The following TRIM37 variants were observed in gnomAD, a reference collection of about 807,000 sequenced individuals.
TRIM37 encodes E3 ubiquitin-protein ligase TRIM37.
In TRIM37, 80 loss-of-function variants were observed where a neutral mutation model predicts 129.8. That is an observed-to-expected ratio of 0.62 (90% CI 0.51 to 0.74). The LOEUF (loss-of-function observed/expected upper bound fraction) is 0.74, where lower values mean the gene tolerates loss of function less well. Ranked by LOEUF, TRIM37 falls within the 30% of genes least tolerant of loss-of-function variation. The pLI, the probability that TRIM37 is intolerant of heterozygous loss-of-function variation, is 0.00. For synonymous variants in TRIM37, 389 were observed against 387.1 expected (o/e 1.00, Z -0.06); for missense variants, 1,054 against 1,176.5 (o/e 0.90, Z 1.52).
At chr17:59,086,158 A>G (rs1478956915) in intron 4 of TRIM37, among the ~76,000 whole-genome samples, 1 of 152,126 alleles carries the variant, frequency 6.6e-6, no homozygotes, top group Non-Finnish European at 1.5e-5. Context: ...AATGATTAAG[A>G]TGGTAAATTT....
intron 21 of TRIM37, among the ~76,000 whole-genome samples, chr17:59,012,875 CAA>C (rs71367654): frequency 7.7e-6 from 1 of 129,678 alleles, no homozygotes. Context: ...GACTCTGTCT[CAA>C]AAAAAAAAAA....
chr17:59,041,717 A>T, intron 17 of TRIM37, 96 bp downstream of exon 17: 1 of 893,576 alleles, frequency 1.1e-6, no homozygotes, highest in Non-Finnish European at 1.9e-6. Flanking sequence ...TGAACCATGT[A>T]CAAGCAGTGG....
chr17:59,106,580 G>A lies in TRIM37; in HGVS notation c.-119C>T, dbSNP rs890841628. 2 of 1,270,080 alleles carry A rather than the reference G, an allele frequency of 1.6e-6. No individual in the cohort carries two copies. Among genetic ancestry groups the A allele is most frequent in the Non-Finnish European group, 2.2e-6 (2 of 892,780 alleles). The allele number at this position is 1,270,080 out of a possible 1,614,324, so 78.7% of individuals were successfully genotyped here. On this transcript the variant is annotated 5_prime_UTR_variant, in exon 1 of 24. Coordinates refer to ENST00000262294, the MANE Select transcript of TRIM37 (RefSeq NM_015294.6). ...ATAAAAGCCCGGCGCCCACGTCAGG[G>A]GGCTCTGACAACCGCCCCACCTGCG...
chr17:59,102,445 G>A, intron 2 of TRIM37, among the ~76,000 whole-genome samples: 1 of 152,146 alleles, frequency 6.6e-6, no homozygotes, highest in Non-Finnish European at 1.5e-5. Flanking sequence ...TCTAGCATCA[G>A]TTTCACTGTT....
chr17:59,096,646 A>C (rs897256081), intron 2 of TRIM37, among the ~76,000 whole-genome samples: 1 of 151,980 alleles, frequency 6.6e-6, no homozygotes, highest in African/African-American at 2.4e-5. Context: ...ATCTTAGATC[A>C]TGGGCTCATG....
chr17:59,016,674 T>C (rs2035987857), intron 20 of TRIM37, among the ~76,000 whole-genome samples: 1 of 143,814 alleles, frequency 7.0e-6, no homozygotes, highest in African/African-American at 2.6e-5. Context: ...TCCCAGCTAC[T>C]TGGGAGGCTG....
rs200079877 is a variant in TRIM37 at position 59,022,828 on chromosome 17, GAAATGGTATATTAAACC to G, written c.2258-5421_2258-5405del. Among the ~76,000 whole-genome samples the G allele has an allele frequency of 5.7e-3, 870 of 152,170 alleles. 30 individuals are homozygous for G. The highest frequency in any genetic ancestry group is 0.048 in the Admixed American group (728 of 15,270). ...TATTCGGCCTCACCTGCTATTCAAG[GAAATGGTATATTAAACC>G]AAATGGTATATTAAAACCAAAAGTA... is the stretch of plus-strand genomic sequence containing the variant. On this transcript the variant is annotated intron_variant, in intron 19 of 23. Transcript: ENST00000262294.
intron 19 of TRIM37, among the ~76,000 whole-genome samples, chr17:59,024,143 G>A (rs1167700213): frequency 6.6e-6 from 1 of 150,720 alleles, no homozygotes; most frequent in Non-Finnish European, 1.5e-5. Context: ...GAACCCAGGA[G>A]GGGGAGGTTG....
chr17:58,997,635 T>C (rs117113145), downstream of TRIM37, among the ~76,000 whole-genome samples: 11 of 152,226 alleles, frequency 7.2e-5, no homozygotes, highest in Non-Finnish European at 1.0e-4. Flanking sequence ...CAGGAGAGAT[T>C]TTCCAGGAAT....
At chr17:59,090,408 T>A (rs973756544) in intron 3 of TRIM37, among the ~76,000 whole-genome samples, 3 of 152,228 alleles carry the variant, frequency 2.0e-5, no homozygotes, top group South Asian at 2.1e-4. Context: ...TATATAAATA[T>A]AGGCACAATC....
At chr17:59,062,434 A>T (rs2041573689) in intron 11 of TRIM37, 133 bp downstream of exon 11, 15 of 726,258 alleles carry the variant, frequency 2.1e-5, no homozygotes, top group Middle Eastern at 3.7e-4. Flanking sequence ...GAAGAAGGGG[A>T]ACAGGGAATG....
At chr17:59,040,040 G>C (rs2038980006) in intron 17 of TRIM37, among the ~76,000 whole-genome samples, 1 of 151,974 alleles carries the variant, frequency 6.6e-6, no homozygotes, top group Non-Finnish European at 1.5e-5. Flanking sequence ...TGGGACCACA[G>C]GCAGCAATTT....
chr17:58,999,349 T>C lies in TRIM37; in HGVS notation c.*28A>G. ...CAGCAAAATTCAGGGTCAAGGTAGC[T>C]TGCAAGTCAGTTCTCTTGATTTGGC... On this transcript the variant is annotated 3_prime_UTR_variant, in exon 24 of 24. Coordinates refer to ENST00000262294, the MANE Select transcript of TRIM37 (RefSeq NM_015294.6). The C allele has an allele frequency of 3.7e-6, 6 of 1,613,822 alleles. No individual in the cohort carries two copies. Among genetic ancestry groups the C allele is most frequent in the African/African-American group, 1.3e-5 (1 of 75,042 alleles).
rs561737729 is a variant in TRIM37 at position 59,008,384 on chromosome 17, C to T, written c.2695+3944G>A. Among the ~76,000 whole-genome samples the T allele has an allele frequency of 4.9e-3, 745 of 152,286 alleles. 2 individuals are homozygous for T. The highest frequency in any genetic ancestry group is 6.6e-3 in the Non-Finnish European group (452 of 68,022). ...ACTGACCATTTAACTCTAAATCCTA[C>T]ATGAATAACTCCATTCTTTCAAAGA... On this transcript the variant is annotated intron_variant, in intron 22 of 23. Transcript: ENST00000262294.
At chr17:59,100,505 T>C (rs1647445358) in intron 2 of TRIM37, among the ~76,000 whole-genome samples, 1 of 152,248 alleles carries the variant, frequency 6.6e-6, no homozygotes, top group African/African-American at 2.4e-5. Flanking sequence ...TTTTCATTTG[T>C]ATAAAATTCC....
intron 16 of TRIM37, 52 bp from the exon 17 acceptor site, chr17:59,041,950 T>C: frequency 7.6e-7 from 1 of 1,310,372 alleles, no homozygotes; most frequent in Non-Finnish European, 1.1e-6. Flanking sequence ...ATAAACGTTG[T>C]TTTTCACACC....
At chr17:59,004,452 A>C (rs1253793522) in intron 22 of TRIM37, among the ~76,000 whole-genome samples, 4 of 152,086 alleles carry the variant, frequency 2.6e-5, no homozygotes, top group African/African-American at 9.7e-5. Context: ...GGAAATAATA[A>C]AAAACATAAT....
intron 2 of TRIM37, among the ~76,000 whole-genome samples, chr17:59,091,789 ACT>A (rs1282914118): frequency 2.0e-5 from 3 of 150,908 alleles, no homozygotes; most frequent in Middle Eastern, 3.2e-3. Flanking sequence ...AAGGGACAAA[ACT>A]CAACACAAAA....
chr17:59,054,961 T>C (rs980104890), intron 13 of TRIM37, among the ~76,000 whole-genome samples: 5 of 151,626 alleles, frequency 3.3e-5, no homozygotes, highest in Non-Finnish European at 5.9e-5. Flanking sequence ...CCACCACACC[T>C]GGCTAAATAG....
Sources: gnomAD v4.1 joint callset for allele counts (sites outside exome capture counted in the v4.1 genomes callset) on GRCh38, gnomAD v4.1.1 for gene constraint, MANE v1.5 for transcripts, NCBI Gene and HGNC (gene_info 2026-07-23, HGNC 2026-07-21) for gene names.